The following KLHL2 variants were observed in gnomAD, a reference collection of about 807,000 sequenced individuals.
KLHL2 encodes the protein kelch-like protein 2.
A neutral mutation model predicts 75.8 loss-of-function variants in KLHL2; 15 were observed. That is an observed-to-expected ratio of 0.20 (90% CI 0.13 to 0.30). KLHL2 has a LOEUF of 0.30. KLHL2 is among the 10% of genes least tolerant of loss of function. The pLI is 1.00. For missense variants in KLHL2, 381 were observed against 741.0 expected (o/e 0.51, Z 5.64); for synonymous variants, 214 against 251.9 (o/e 0.85, Z 1.42).
intron 5 of KLHL2, among the ~76,000 whole-genome samples, chr4:165,264,766 A>G (rs542205552): frequency 6.3e-5 from 6 of 95,720 alleles, no homozygotes; most frequent in African/African-American, 2.8e-4. Context: ...ATATATATAT[A>G]AAACATTATC....
At chr4:165,234,587 T>A (rs1739174350) in intron 3 of KLHL2, among the ~76,000 whole-genome samples, 1 of 151,430 alleles carries the variant, frequency 6.6e-6, no homozygotes, top group Non-Finnish European at 1.5e-5. Flanking sequence ...GCTTCAGGAG[T>A]CCTGATTAAA....
chr4:165,291,063 C>A (rs1416584326), intron 5 of KLHL2, among the ~76,000 whole-genome samples: 2 of 152,150 alleles, frequency 1.3e-5, no homozygotes, highest in Non-Finnish European at 2.9e-5. Flanking sequence ...TTTTAATATG[C>A]AGTTCTCTAA....
chr4:165,271,010 T>G lies in KLHL2; in HGVS notation c.544+7651T>G, dbSNP rs62353290. Among the ~76,000 whole-genome samples the G allele has an allele frequency of 8.0e-3, 1,224 of 152,336 alleles. 8 individuals are homozygous for G. The highest frequency in any genetic ancestry group is 0.012 in the Non-Finnish European group (834 of 68,028). On this transcript the variant is annotated intron_variant, in intron 5 of 14. Transcript: ENST00000226725. ...ATTCTGTTCCATTGGTCTACATATC[T>G]ACTTATATGCCAGTGCCATACTGTT...
chr4:165,260,134 T>G (rs995976760), intron 4 of KLHL2, among the ~76,000 whole-genome samples: 1 of 152,286 alleles, frequency 6.6e-6, no homozygotes, highest in East Asian at 1.9e-4. Flanking sequence ...GCAAGCTGGG[T>G]CAATTAGTAA....
chr4:165,315,267 A>T (rs80304746), intron 13 of KLHL2, among the ~76,000 whole-genome samples: 2 of 152,206 alleles, frequency 1.3e-5, no homozygotes, highest in African/African-American at 4.8e-5. Flanking sequence ...TTTTTTCTCT[A>T]TATGTGTTTA....
intron 4 of KLHL2, among the ~76,000 whole-genome samples, chr4:165,243,814 C>T (rs1171885177): frequency 2.0e-5 from 3 of 152,154 alleles, no homozygotes; most frequent in African/African-American, 7.2e-5. Context: ...TACATGGTAC[C>T]AGGCCTGTTG....
intron 4 of KLHL2, among the ~76,000 whole-genome samples, chr4:165,259,991 A>T (rs1160152232): frequency 6.6e-6 from 1 of 151,954 alleles, no homozygotes; most frequent in East Asian, 1.9e-4. Flanking sequence ...GATGTGGTTC[A>T]TCTGAAGTCA....
At chr4:165,223,951 G>T in intron 2 of KLHL2, 2 of 451,018 alleles carry the variant, frequency 4.4e-6, no homozygotes, top group South Asian at 3.1e-5. Flanking sequence ...ATCTCACTCT[G>T]CCACCCAGGC....
chr4:165,278,083 A>G, intron 5 of KLHL2: 3 of 1,552,690 alleles, frequency 1.9e-6, no homozygotes, highest in Non-Finnish European at 2.7e-6. Context: ...TAGGGTCACC[A>G]CCTTCTGGAG....
chr4:165,264,605 T>TATATATATATATAC (rs757273597), intron 5 of KLHL2, among the ~76,000 whole-genome samples: 1,453 of 123,930 alleles, frequency 0.012, 30 homozygotes, highest in African/African-American at 0.041. Context: ...TATATATATA[T>TATATATATATATAC]ACACACACAC....
chr4:165,213,596 C>G lies in KLHL2; in HGVS notation c.26+5694C>G, dbSNP rs116264929. ...TGCATTCCTATGGTGTTTGTCACTGCACCTATGTACTGACTTGTGCCATTC... is the reference window on the plus strand; with the variant it reads ...TGCATTCCTATGGTGTTTGTCACTGGACCTATGTACTGACTTGTGCCATTC... On this transcript the variant is annotated intron_variant, in intron 1 of 14. Transcript: ENST00000226725. Among the ~76,000 whole-genome samples the G allele has an allele frequency of 7.0e-3, 1,061 of 152,280 alleles. 15 individuals carry two copies. The highest frequency in any genetic ancestry group is 0.024 in the African/African-American group (1,005 of 41,562).
intron 4 of KLHL2, among the ~76,000 whole-genome samples, chr4:165,251,352 A>C (rs1740684715): frequency 6.6e-6 from 1 of 151,964 alleles, no homozygotes; most frequent in Non-Finnish European, 1.5e-5. Flanking sequence ...TTTGATGTTA[A>C]TTGTATTTTA....
chr4:165,208,102 C>A (rs928038624), intron 1 of KLHL2, among the ~76,000 whole-genome samples, 200 bp downstream of exon 1: 16 of 151,866 alleles, frequency 1.1e-4, no homozygotes, highest in African/African-American at 3.9e-4. Flanking sequence ...TGACTTAAAA[C>A]GCTGCCCAGG....
chr4:165,244,678 G>A (rs560188906), intron 4 of KLHL2, among the ~76,000 whole-genome samples: 6 of 152,242 alleles, frequency 3.9e-5, no homozygotes, highest in South Asian at 2.1e-4. Context: ...GGAACAAAGC[G>A]TAATGAATAG....
intron 1 of KLHL2, among the ~76,000 whole-genome samples, chr4:165,214,082 G>A (rs1325102679): frequency 1.3e-5 from 2 of 152,126 alleles, no homozygotes; most frequent in Admixed American, 1.3e-4. Context: ...ATTTGGCATA[G>A]ACAGAACTAC....
chr4:165,270,086 T>C (rs1417232000), intron 5 of KLHL2, among the ~76,000 whole-genome samples: 1 of 152,248 alleles, frequency 6.6e-6, no homozygotes, highest in Admixed American at 6.5e-5. Flanking sequence ...CAATCAGTGA[T>C]ATCCTTTCTT....
intron 5 of KLHL2, among the ~76,000 whole-genome samples, chr4:165,276,932 C>A (rs1358829815): frequency 1.3e-5 from 2 of 152,056 alleles, no homozygotes; most frequent in East Asian, 3.8e-4. Flanking sequence ...TCCACAGTTT[C>A]TTCTTTTTTT....
intron 8 of KLHL2, among the ~76,000 whole-genome samples, chr4:165,303,073 T>G (rs1339901082): frequency 6.6e-6 from 1 of 152,168 alleles, no homozygotes; most frequent in African/African-American, 2.4e-5. Context: ...ATTCCTGCCT[T>G]CCTGTCCCCC....
chr4:165,240,904 A>G (rs1012793490), intron 4 of KLHL2, among the ~76,000 whole-genome samples: 3 of 152,228 alleles, frequency 2.0e-5, no homozygotes, highest in African/African-American at 7.2e-5. Context: ...TGGGCCTATT[A>G]GGAATTAGGA....
Sources: gnomAD v4.1 joint callset for allele counts (sites outside exome capture counted in the v4.1 genomes callset) on GRCh38, gnomAD v4.1.1 for gene constraint, MANE v1.5 for transcripts, NCBI Gene and HGNC (gene_info 2026-07-23, HGNC 2026-07-21) for gene names.